Variants in SYNE2 observed in about 807,000 individuals in gnomAD.
SYNE2 encodes spectrin repeat containing nuclear envelope protein 2.
In SYNE2, 431 loss-of-function variants were observed where a neutral mutation model predicts 856.3. That is an observed-to-expected ratio of 0.50 (90% CI 0.47 to 0.55). The LOEUF (loss-of-function observed/expected upper bound fraction) is 0.55. Ranked by LOEUF, SYNE2 falls within the 20% of genes least tolerant of loss-of-function variation. The pLI is 0.00. For missense variants in SYNE2, 8,129 were observed against 8,023.2 expected, an observed-to-expected ratio of 1.01 and a Z score of -0.50; for synonymous variants, 2,923 against 2,872.3, an observed-to-expected ratio of 1.02 and a Z score of -0.56.
chr14:63,958,432 T>G (rs1213209433), intron 8 of SYNE2, among the ~76,000 whole-genome samples: 1 of 152,178 alleles, frequency 6.6e-6, no homozygotes, highest in African/African-American at 2.4e-5. Context: ...TTATTGGAAT[T>G]TACATTATGT....
intron 45 of SYNE2, among the ~76,000 whole-genome samples, chr14:64,040,364 T>C (rs982894900): frequency 6.6e-6 from 1 of 151,580 alleles, no homozygotes; most frequent in Non-Finnish European, 1.5e-5. Context: ...GAAATTGAAA[T>C]CATAAGGAAA....
chr14:64,022,843 C>T lies in SYNE2; in HGVS notation c.5617C>T (p.Gln1873Ter). The change falls in exon 38 of 116, where the codon CAA (glutamine) becomes TAA (stop). Residue 1873 changes from glutamine to a stop codon, truncating the protein, a stop_gained. Transcript: ENST00000555002. LOFTEE classifies it high-confidence loss of function. ...ATCAGAAACAAAAAAGAGTGTGGAA[C>T]AAAAGCTACAAAAACTTTCTGTAAG... is the stretch of plus-strand genomic sequence containing the variant. ...ESSETKKSVE[Q>*]KLQKLSDFLT... 6.3e-7 allele frequency: 1 copy of T among 1,599,056 alleles called. No individual in the cohort carries two copies. The highest frequency in any genetic ancestry group is 8.6e-7 in the Non-Finnish European group (1 of 1,167,574).
At chr14:64,080,209 A>G (rs1340995479) in intron 55 of SYNE2, among the ~76,000 whole-genome samples, 1 of 152,256 alleles carries the variant, frequency 6.6e-6, no homozygotes, top group South Asian at 2.1e-4. Context: ...AAAAATGTCC[A>G]GGTCTTTCTG....
chr14:64,219,033 C>G (rs960334401), intron 109 of SYNE2, among the ~76,000 whole-genome samples, 175 bp from the exon 110 acceptor site: 1 of 151,430 alleles, frequency 6.6e-6, no homozygotes, highest in Non-Finnish European at 1.5e-5. Flanking sequence ...ATGTGCTATT[C>G]CACATTCCAG....
At chr14:64,182,582 G>T (rs1374780925) in intron 96 of SYNE2, among the ~76,000 whole-genome samples, 2 of 152,044 alleles carry the variant, frequency 1.3e-5, no homozygotes, top group Non-Finnish European at 1.5e-5. Flanking sequence ...TTAGGGAGTG[G>T]TGATGACTCT....
At chr14:63,902,930 T>A (rs1327703581) in intron 1 of SYNE2, among the ~76,000 whole-genome samples, 2 of 152,084 alleles carry the variant, frequency 1.3e-5, no homozygotes, top group Non-Finnish European at 2.9e-5. Flanking sequence ...CTCCTGCCTC[T>A]GGCTTCCTAA....
chr14:63,796,679 G>A (rs1291703946), intron 1 of SYNE2, among the ~76,000 whole-genome samples: 1 of 151,742 alleles, frequency 6.6e-6, no homozygotes, highest in African/African-American at 2.4e-5. Context: ...TAGTTGTACG[G>A]CAGGAGGCAA....
chr14:63,835,940 G>A (rs985482004), intron 1 of SYNE2, among the ~76,000 whole-genome samples: 7 of 149,408 alleles, frequency 4.7e-5, no homozygotes, highest in African/African-American at 1.7e-4. Flanking sequence ...CTGAGATCGT[G>A]CCGTTGCACT....
chr14:63,951,137 C>G (rs1315611076), intron 7 of SYNE2, among the ~76,000 whole-genome samples: 1 of 151,976 alleles, frequency 6.6e-6, no homozygotes, highest in Non-Finnish European at 1.5e-5. Context: ...GATCTCTCTA[C>G]TAGAACAGCT....
At chr14:64,170,173 G>A in intron 93 of SYNE2, 55 bp from the exon 94 acceptor site, 3 of 1,565,402 alleles carry the variant, frequency 1.9e-6, no homozygotes, top group Admixed American at 1.7e-5. Flanking sequence ...CCCACTGATA[G>A]TTATTTTTTC....
Position 64,003,026 on chromosome 14 carries a change from G to A in SYNE2, c.4093G>A (p.Gly1365Arg). Residue 1365 changes from glycine to arginine, a missense_variant, in exon 30 of 116, where the codon GGA (glycine) becomes AGA (arginine). Physicochemically the swap from Gly to Arg is moderately radical, Grantham distance 125. Around this residue, in one of 3 missense-constraint regions of SYNE2, gnomAD observed 2,422 missense variants for 2,357.4 expected, o/e 1.03. Transcript: ENST00000555002. The stretch of plus-strand genomic sequence containing the variant: ...TACGTTGACAGTAAAAAATAAAGAG[G>A]GAGAAATTCATCTGATGAAAGACAA... ...ENTLTVKNKE[G>R]EIHLMKDKAK... The A allele has an allele frequency of 6.2e-7, 1 of 1,614,012 alleles. No homozygotes were observed. Among genetic ancestry groups the A allele is most frequent in the Non-Finnish European group, 8.5e-7 (1 of 1,179,986 alleles).
intron 1 of SYNE2, among the ~76,000 whole-genome samples, chr14:63,824,263 T>G (rs1889334717): frequency 6.6e-6 from 1 of 152,022 alleles, no homozygotes; most frequent in Admixed American, 6.6e-5. Context: ...CAAGCTCTAC[T>G]TGAGCTCCAG....
chr14:64,123,952 C>T (rs934865132), intron 70 of SYNE2, among the ~76,000 whole-genome samples: 2 of 151,380 alleles, frequency 1.3e-5, no homozygotes, highest in African/African-American at 4.9e-5. Context: ...CGCCTATAAT[C>T]CCAGCACTTC....
At chr14:64,107,705 C>A in intron 65 of SYNE2, 98 bp downstream of exon 65, 1 of 956,730 alleles carries the variant, frequency 1.0e-6, no homozygotes, top group Non-Finnish European at 1.7e-6. Flanking sequence ...GTACGTCAAG[C>A]TAAGTGTTCC....
Position 64,216,273 on chromosome 14 carries a change from G to T in SYNE2, c.19428G>T (p.Ser6476=). ...SSGKSISDGH[S]WHVPDSPSCP... Reference sequence around the variant, plus strand: ...GTAAATCCATTTCGGATGGCCACTCGTGGCATGTTCCCGACAGCCCTTCCT... The same window carrying T: ...GTAAATCCATTTCGGATGGCCACTCTTGGCATGTTCCCGACAGCCCTTCCT... The change falls in exon 108 of 116, where the codon TCG becomes TCT. Residue 6476 remains serine, a synonymous_variant. Transcript: ENST00000555002. The T allele has an allele frequency of 6.2e-7, 1 of 1,614,132 alleles. No individual in the cohort carries two copies. The highest frequency in any genetic ancestry group is 1.1e-5 in the South Asian group (1 of 91,078).
intron 16 of SYNE2, 53 bp from the exon 17 acceptor site, chr14:63,982,577 T>C (rs1000372059): frequency 2.1e-6 from 3 of 1,428,872 alleles, no homozygotes; most frequent in African/African-American, 1.4e-5. Flanking sequence ...TTATACATAA[T>C]AGAAAGACAA....
chr14:64,158,865 G>A (rs975307575), intron 86 of SYNE2, 70 bp downstream of exon 86: 10 of 1,521,754 alleles, frequency 6.6e-6, no homozygotes, highest in South Asian at 1.1e-5. Flanking sequence ...GCACAGTAAC[G>A]GGCATAACTG....
At chr14:63,989,058 A>C (rs1193053550) in intron 19 of SYNE2, among the ~76,000 whole-genome samples, 1 of 152,198 alleles carries the variant, frequency 6.6e-6, no homozygotes, top group Non-Finnish European at 1.5e-5. Flanking sequence ...GACTACATGT[A>C]ATATTGAACT....
At chr14:64,157,875 T>C (rs548382388) in intron 85 of SYNE2, among the ~76,000 whole-genome samples, 9 of 152,368 alleles carry the variant, frequency 5.9e-5, no homozygotes, top group Admixed American at 3.3e-4. Flanking sequence ...ATTATATATG[T>C]TCTTTGGGGA....
Sources: allele counts gnomAD v4.1 joint callset (sites outside exome capture counted in the v4.1 genomes callset), GRCh38; gene constraint gnomAD v4.1.1; regional missense constraint gnomAD v4.1.1; transcripts MANE v1.5; gene names NCBI Gene and HGNC (gene_info 2026-07-23, HGNC 2026-07-21).